Variants in WSCD1 observed in about 807,000 individuals in gnomAD.
WSCD1 encodes sialate:O-sulfotransferase 1.
A neutral mutation model predicts 60.4 loss-of-function variants in WSCD1; 41 were observed. That is an observed-to-expected ratio of 0.68 (90% CI 0.53 to 0.88). WSCD1 has a LOEUF of 0.88. Ranked by LOEUF, WSCD1 falls within the 40% of genes least tolerant of loss-of-function variation. The probability of loss-of-function intolerance (pLI) is 0.00; values close to 1 mark genes in which losing one functional copy is unlikely to be tolerated. For missense variants in WSCD1, 784 were observed against 796.2 expected (o/e 0.98, Z 0.18); for synonymous variants, 361 against 332.5 (o/e 1.09, Z -0.93).
chr17:6,076,226 A>G (rs533141816), intron 1 of WSCD1, among the ~76,000 whole-genome samples: 1 of 152,280 alleles, frequency 6.6e-6, no homozygotes, highest in African/African-American at 2.4e-5. Context: ...TCAGTGCTCA[A>G]ATGGGGTATG....
chr17:6,092,759 C>T (rs1910143525), intron 4 of WSCD1, among the ~76,000 whole-genome samples: 1 of 152,190 alleles, frequency 6.6e-6, no homozygotes, highest in Admixed American at 6.5e-5. Flanking sequence ...TTCTGAAAGG[C>T]AGTTGTTTTG....
At chr17:6,105,650 C>T (rs530109097) in intron 5 of WSCD1, among the ~76,000 whole-genome samples, 2 of 152,172 alleles carry the variant, frequency 1.3e-5, no homozygotes, top group Admixed American at 6.5e-5. Flanking sequence ...GGAAACTTGA[C>T]AGTTTAATCC....
At position 6,070,526 on chromosome 17, in the gene WSCD1, G is replaced by C. The variant is rs933392859; in HGVS notation, c.-415G>C. The C allele has an allele frequency of 6.8e-6, 1 of 147,524 alleles. No homozygotes were observed. The highest frequency in any genetic ancestry group is 2.4e-5 in the African/African-American group (1 of 40,968). 9.1% of individuals were successfully genotyped at this position (147,524 alleles called of 1,614,324 possible). A position where few individuals can be genotyped will look rare whatever the true frequency, so the allele number is the denominator to read the frequency against. ...GGGCGCGTGGGTCCGCTTGCCGCGG[G>C]CGGCCGGAGACGTGCGGGCGCCGGG... On this transcript the variant is annotated 5_prime_UTR_variant, in exon 1 of 9. Coordinates refer to ENST00000317744, the MANE Select transcript of WSCD1 (RefSeq NM_015253.2).
intron 1 of WSCD1, among the ~76,000 whole-genome samples, 196 bp downstream of exon 1, chr17:6,070,848 G>GT (rs1908495509): frequency 6.6e-6 from 1 of 150,792 alleles, no homozygotes; most frequent in Non-Finnish European, 1.5e-5. Context: ...GCAGGGGAGA[G>GT]TGAGCGGGTG....
At chr17:6,094,534 G>T (rs1345118132) in intron 4 of WSCD1, among the ~76,000 whole-genome samples, 3 of 141,236 alleles carry the variant, frequency 2.1e-5, no homozygotes, top group Admixed American at 7.2e-5. Flanking sequence ...ATCCAAATTT[G>T]TTGAAGGAAG....
At position 6,090,876 on chromosome 17, in the gene WSCD1, T is replaced by A. The variant is rs142662406; in HGVS notation, c.727+371T>A. Among the ~76,000 whole-genome samples the A allele has an allele frequency of 2.1e-3, 316 of 152,206 alleles. 1 individual carries two copies. The highest frequency in any genetic ancestry group is 0.014 in the Middle Eastern group (4 of 294). On this transcript the variant is annotated intron_variant, in intron 4 of 8. Coordinates refer to ENST00000317744, the MANE Select transcript of WSCD1 (RefSeq NM_015253.2). ...GAGACCTAGATTTCTTTCTTTTTTTTAATTTTTATATTTGATTTTTTATTT... is the reference window on the plus strand; with the variant it reads ...GAGACCTAGATTTCTTTCTTTTTTTAAATTTTTATATTTGATTTTTTATTT...
chr17:6,113,755 A>G (rs1421420622), intron 7 of WSCD1, among the ~76,000 whole-genome samples: 2 of 152,222 alleles, frequency 1.3e-5, no homozygotes, highest in African/African-American at 4.8e-5. Context: ...AGTATCACTA[A>G]TTATCAGGGA....
chr17:6,094,975 C>A, intron 4 of WSCD1, 127 bp from the exon 5 acceptor site: 1 of 1,432,808 alleles, frequency 7.0e-7, no homozygotes, highest in Non-Finnish European at 9.3e-7. Context: ...TTTTCCCTCC[C>A]TGATTTGAAC....
At chr17:6,081,124 A>G in intron 2 of WSCD1, 39 bp downstream of exon 2, 16 of 1,500,862 alleles carry the variant, frequency 1.1e-5, no homozygotes, top group Non-Finnish European at 1.3e-5. Flanking sequence ...TGTTCCCAGG[A>G]CCCCCCATTC....
chr17:6,083,785 T>A (rs1196997067), intron 2 of WSCD1, among the ~76,000 whole-genome samples: 1 of 151,598 alleles, frequency 6.6e-6, no homozygotes, highest in African/African-American at 2.4e-5. Flanking sequence ...TCTCAAAAAA[T>A]ATATATAATA....
At chr17:6,113,225 G>A (rs1246392191) in intron 7 of WSCD1, among the ~76,000 whole-genome samples, 1 of 152,144 alleles carries the variant, frequency 6.6e-6, no homozygotes, top group East Asian at 1.9e-4. Context: ...AAATGGTGTT[G>A]GGAAGACTGG....
intron 1 of WSCD1, among the ~76,000 whole-genome samples, chr17:6,077,569 T>C (rs1449091400): frequency 6.6e-6 from 1 of 152,178 alleles, no homozygotes; most frequent in East Asian, 1.9e-4. Context: ...GGAAACCCCT[T>C]CTGGGAAGGG....
At position 6,118,170 on chromosome 17, in the gene WSCD1, C is replaced by G; in HGVS notation, c.1357C>G (p.Arg453Gly). Reference protein sequence around the residue: ...CAGHLGYAADRNWKSKEWPDF... With the variant: ...CAGHLGYAADGNWKSKEWPDF... Reference sequence around the variant, plus strand: ...CGGGCACCTGGGATATGCAGCTGACCGCAACTGGAAGAGCAAAGGTAATCA... The same window carrying G: ...CGGGCACCTGGGATATGCAGCTGACGGCAACTGGAAGAGCAAAGGTAATCA... Residue 453 changes from arginine to glycine, a missense_variant, in exon 8 of 9, where the codon CGC becomes GGC. Transcript: ENST00000317744. This position sits in a 1 kb window ranked among gnomAD's most constrained non-coding sequence, Gnocchi z 5.8. 1 of 1,613,984 alleles carries G rather than the reference C, an allele frequency of 6.2e-7. No individual in the cohort carries two copies. The highest frequency in any genetic ancestry group is 8.5e-7 in the Non-Finnish European group (1 of 1,179,990).
Position 6,110,871 on chromosome 17 carries a change from CA to C in WSCD1, c.1111del (p.Ile371LeufsTer57). On this transcript the variant is annotated frameshift_variant, in exon 7 of 9. Transcript: ENST00000317744. LOFTEE classifies it high-confidence loss of function. The surrounding 1 kb of genome is among the most constrained non-coding windows in gnomAD (Gnocchi z 4.8). ...CCGGGAACACATGGGCACGGCACCT[CA>C]TTGAGCATGCCACTGGCTTCTATAC... ...GAGNTWARHL[I>X]EHATGFYTGS... 2 of 1,613,986 alleles carry C rather than the reference CA, an allele frequency of 1.2e-6. No individual in the cohort carries two copies. The highest frequency in any genetic ancestry group is 1.7e-6 in the Non-Finnish European group (2 of 1,179,902).
intron 1 of WSCD1, among the ~76,000 whole-genome samples, chr17:6,073,420 A>G (rs1159114193): frequency 6.6e-6 from 1 of 152,238 alleles, no homozygotes; most frequent in Admixed American, 6.5e-5. Flanking sequence ...ACCTGAGTCC[A>G]GGAGTTTGAG....
intron 1 of WSCD1, among the ~76,000 whole-genome samples, chr17:6,072,159 CCCTGTGG>C (rs2150523693): frequency 6.6e-6 from 1 of 152,364 alleles, no homozygotes; most frequent in African/African-American, 2.4e-5. Flanking sequence ...TGGGGTACTG[CCCTGTGG>C]CCTGTGGCAT....
At chr17:6,072,811 A>G (rs1463350348) in intron 1 of WSCD1, among the ~76,000 whole-genome samples, 5 of 152,142 alleles carry the variant, frequency 3.3e-5, no homozygotes, top group Non-Finnish European at 7.4e-5. Context: ...GTGCTGACAT[A>G]CGGCCTGAAA....
intron 5 of WSCD1, among the ~76,000 whole-genome samples, chr17:6,106,078 A>T (rs1911071156): frequency 6.6e-6 from 1 of 152,250 alleles, no homozygotes; most frequent in African/African-American, 2.4e-5. Flanking sequence ...TTTATTGAGC[A>T]TCTGCCATGT....
intron 4 of WSCD1, 105 bp downstream of exon 4, chr17:6,090,610 C>T: frequency 7.0e-7 from 1 of 1,429,362 alleles, no homozygotes; most frequent in Non-Finnish European, 9.4e-7. Flanking sequence ...AGAACCTGTG[C>T]CAACCTCTGC....
Sources: gnomAD v4.1 joint callset for allele counts (sites outside exome capture counted in the v4.1 genomes callset) on GRCh38, gnomAD v4.1.1 for gene constraint, Gnocchi (gnomAD v3.1) non-coding constraint, MANE v1.5 for transcripts, NCBI Gene and HGNC (gene_info 2026-07-23, HGNC 2026-07-21) for gene names.